NTRK2: variants seen among roughly 807,000 people sequenced by gnomAD.
The protein encoded by NTRK2 is BDNF/NT-3 growth factors receptor.
NTRK2 carries 13 observed loss-of-function variants against 94.5 expected under a neutral mutation model. That is an observed-to-expected ratio of 0.14 (90% CI 0.09 to 0.22). NTRK2 has a LOEUF of 0.22. Among genes scored for constraint, NTRK2 ranks in the 10% least tolerant of loss-of-function variants. The probability of loss-of-function intolerance (pLI) is 1.00; values close to 1 mark genes in which losing one functional copy is unlikely to be tolerated. For synonymous variants in NTRK2, 372 were observed against 407.4 expected, an observed-to-expected ratio of 0.91 and a Z score of 1.05; for missense variants, 639 against 1,071.2, an observed-to-expected ratio of 0.60 and a Z score of 5.63.
chr9:84,693,496 A>C (rs559894486), intron 2 of NTRK2, among the ~76,000 whole-genome samples: 65 of 152,274 alleles, frequency 4.3e-4, no homozygotes, highest in African/African-American at 1.4e-3. Flanking sequence ...AATATTTTGA[A>C]GATTTTTTCT....
At chr9:85,011,143 T>C (rs752237653) in intron 17 of NTRK2, among the ~76,000 whole-genome samples, 1 of 152,158 alleles carries the variant, frequency 6.6e-6, no homozygotes, top group Non-Finnish European at 1.5e-5. Context: ...ACAGCAGGTT[T>C]GCTAAGCTCT....
chr9:85,016,312 G>T (rs891047555), intron 17 of NTRK2, among the ~76,000 whole-genome samples: 1 of 152,144 alleles, frequency 6.6e-6, no homozygotes, highest in Non-Finnish European at 1.5e-5. Context: ...AATAAAAATT[G>T]CAAGTCCAAG....
chr9:84,814,821 T>G, intron 12 of NTRK2: 1 of 1,064,166 alleles, frequency 9.4e-7, no homozygotes, highest in Non-Finnish European at 1.1e-6. Flanking sequence ...GCCAGTCACA[T>G]CTAGTCTATG....
At chr9:84,702,842 A>G (rs1162192470) in intron 4 of NTRK2, among the ~76,000 whole-genome samples, 1 of 152,194 alleles carries the variant, frequency 6.6e-6, no homozygotes, top group Non-Finnish European at 1.5e-5. Context: ...TCCCCTCACA[A>G]TAGGATTCTC....
intron 17 of NTRK2, among the ~76,000 whole-genome samples, chr9:84,969,373 ACACACAT>A (rs1825930429): frequency 6.6e-6 from 1 of 152,256 alleles, no homozygotes; most frequent in Non-Finnish European, 1.5e-5. Flanking sequence ...GGCGTAAGCC[ACACACAT>A]TGCAGGAAAA....
intron 12 of NTRK2, among the ~76,000 whole-genome samples, chr9:84,768,458 T>G (rs1588470180): frequency 6.6e-6 from 1 of 152,180 alleles, no homozygotes. Context: ...TTTCATCTCT[T>G]GAGCTACTGC....
At chr9:84,706,046 T>C (rs1330028091) in intron 4 of NTRK2, among the ~76,000 whole-genome samples, 3 of 152,066 alleles carry the variant, frequency 2.0e-5, no homozygotes, top group Admixed American at 6.5e-5. Flanking sequence ...AGCCTTAGCT[T>C]CCCAAAGTGC....
chr9:84,818,490 C>T (rs143931705), intron 12 of NTRK2, among the ~76,000 whole-genome samples: 1 of 152,180 alleles, frequency 6.6e-6, no homozygotes, highest in Non-Finnish European at 1.5e-5. Flanking sequence ...GTGCCATGAA[C>T]AAATCCTTTT....
intron 12 of NTRK2, among the ~76,000 whole-genome samples, chr9:84,775,870 A>G (rs950747741): frequency 6.6e-6 from 1 of 152,200 alleles, no homozygotes; most frequent in Non-Finnish European, 1.5e-5. Context: ...CTGAATTTTA[A>G]TGAAATTCTC....
intron 12 of NTRK2, among the ~76,000 whole-genome samples, chr9:84,818,856 G>A (rs1180690270): frequency 3.9e-5 from 6 of 152,188 alleles, no homozygotes; most frequent in African/African-American, 1.2e-4. Context: ...TCAGAACAAG[G>A]TGGTGAAAAA....
At chr9:84,774,679 T>C (rs1419381851) in intron 12 of NTRK2, among the ~76,000 whole-genome samples, 1 of 152,220 alleles carries the variant, frequency 6.6e-6, no homozygotes, top group African/African-American at 2.4e-5. Context: ...TAGCCCGTCT[T>C]GGAGAAACAC....
At chr9:84,787,063 G>A (rs536155764) in intron 12 of NTRK2, among the ~76,000 whole-genome samples, 1 of 152,104 alleles carries the variant, frequency 6.6e-6, no homozygotes, top group Admixed American at 6.6e-5. Flanking sequence ...TTTGGGAGGT[G>A]GAGGCGGATG....
intron 11 of NTRK2, among the ~76,000 whole-genome samples, chr9:84,748,216 G>A (rs549701545): frequency 9.9e-5 from 15 of 152,238 alleles, no homozygotes; most frequent in East Asian, 5.8e-4. Context: ...CTCATCTCCC[G>A]TGTAAAAACC....
chr9:84,743,631 T>C (rs989625427), intron 10 of NTRK2, among the ~76,000 whole-genome samples: 2 of 152,224 alleles, frequency 1.3e-5, no homozygotes, highest in Non-Finnish European at 2.9e-5. Flanking sequence ...TAAAATTACA[T>C]TTTTGACCCT....
At chr9:84,724,461 T>C (rs1380638156) in intron 8 of NTRK2, 105 bp downstream of exon 8, 2 of 1,329,840 alleles carry the variant, frequency 1.5e-6, no homozygotes, top group Non-Finnish European at 2.2e-6. Context: ...TTAAAAAAAG[T>C]ATATGCAGTG....
chr9:84,843,895 G>A (rs2074322898), intron 12 of NTRK2, among the ~76,000 whole-genome samples: 1 of 152,206 alleles, frequency 6.6e-6, no homozygotes, highest in Non-Finnish European at 1.5e-5. Flanking sequence ...GGTCAGGAAG[G>A]CATCCTGAAA....
rs947619443 is a variant in NTRK2, at chr9:84,870,884, G to T, written c.1633+3453G>T. 1.4e-4 allele frequency among the ~76,000 whole-genome samples: 21 copies of T among 152,234 alleles called. No homozygotes were observed. The Middle Eastern group carries it at 0.01, about 74-fold the overall frequency. ...AAACTGCATGCTATTCAAAGATGTTGACTTTAGAATATACATATGGTCTTA... is the reference window on the plus strand; with the variant it reads ...AAACTGCATGCTATTCAAAGATGTTTACTTTAGAATATACATATGGTCTTA... On this transcript the variant is annotated intron_variant, in intron 14 of 18. Transcript: ENST00000277120.
At position 84,724,253 on chromosome 9, in the gene NTRK2, A is replaced by C; in HGVS notation, c.750A>C (p.Leu250Phe). The C allele has an allele frequency of 6.2e-7, 1 of 1,614,116 alleles. No individual in the cohort carries two copies. The highest frequency in any genetic ancestry group is 1.3e-5 in the African/African-American group (1 of 75,062). ...MNETSHTQGS[L>F]RITNISSDDS... is the part of the protein sequence containing the mutation. ...AAACAAGCCACACACAGGGCTCCTT[A>C]AGGATAACTAACATTTCATCCGATG... The change falls in exon 8 of 19, where the codon TTA (leucine) becomes TTC (phenylalanine). Residue 250 changes from leucine (L) to phenylalanine (F), a missense_variant. By Grantham distance (22) the Leu-to-Phe change is conservative. Coordinates refer to ENST00000277120, the MANE Select transcript of NTRK2 (RefSeq NM_006180.6).
chr9:85,014,254 G>A (rs529853345), intron 17 of NTRK2, among the ~76,000 whole-genome samples: 15 of 152,114 alleles, frequency 9.9e-5, no homozygotes, highest in African/African-American at 3.6e-4. Context: ...AAGAAGATGG[G>A]GACACAAGGA....
Sources: gnomAD v4.1 joint callset for allele counts (sites outside exome capture counted in the v4.1 genomes callset) on GRCh38, gnomAD v4.1.1 for gene constraint, MANE v1.5 for transcripts, NCBI Gene and HGNC (gene_info 2026-07-23, HGNC 2026-07-21) for gene names.